NR3C2: variants seen among roughly 807,000 people sequenced by gnomAD.
NR3C2 encodes mineralocorticoid receptor.
Under a neutral mutation model 86.4 loss-of-function variants are expected in NR3C2, and 15 were observed. The observed-to-expected ratio is 0.17, with a 90% CI of 0.12 to 0.27. NR3C2 has a LOEUF of 0.27. Ranked by LOEUF, NR3C2 falls within the 10% of genes least tolerant of loss-of-function variation. The probability of loss-of-function intolerance (pLI) is 1.00; values close to 1 mark genes in which losing one functional copy is unlikely to be tolerated. For synonymous variants in NR3C2, 458 were observed against 450.5 expected (o/e 1.02, Z -0.21); for missense variants, 960 against 1,195.6 (o/e 0.80, Z 2.91).
intron 2 of NR3C2, among the ~76,000 whole-genome samples, chr4:148,268,348 C>T (rs1353485307): frequency 6.6e-6 from 1 of 152,090 alleles, no homozygotes; most frequent in East Asian, 1.9e-4. Flanking sequence ...ATTATCTTTG[C>T]TGACAAATGA....
chr4:148,222,735 A>G (rs1737925267), intron 3 of NR3C2, among the ~76,000 whole-genome samples: 1 of 152,250 alleles, frequency 6.6e-6, no homozygotes, highest in African/African-American at 2.4e-5. Context: ...TGAAATGTTT[A>G]CATTTCAGAG....
chr4:148,160,630 T>C (rs945877559), intron 4 of NR3C2, among the ~76,000 whole-genome samples: 5 of 152,202 alleles, frequency 3.3e-5, no homozygotes, highest in Non-Finnish European at 7.3e-5. Flanking sequence ...AATTCTGTGA[T>C]TGCAGAAATG....
chr4:148,122,464 G>A (rs1265725685), intron 6 of NR3C2, among the ~76,000 whole-genome samples: 2 of 152,176 alleles, frequency 1.3e-5, no homozygotes, highest in East Asian at 3.8e-4. Flanking sequence ...GCTGGATTAA[G>A]AAATCGGAGA....
chr4:148,227,478 C>A (rs1438643288), intron 3 of NR3C2, among the ~76,000 whole-genome samples: 2 of 152,080 alleles, frequency 1.3e-5, no homozygotes, highest in Non-Finnish European at 2.9e-5. Context: ...TAATAAGTAT[C>A]TTTTGGGGGG....
chr4:148,092,337 T>G (rs2149710479), intron 8 of NR3C2, among the ~76,000 whole-genome samples: 1 of 152,322 alleles, frequency 6.6e-6, no homozygotes, highest in East Asian at 1.9e-4. Context: ...GGGTTTAACC[T>G]GTCCTATTTA....
intron 2 of NR3C2, among the ~76,000 whole-genome samples, chr4:148,355,458 C>T (rs1006332031): frequency 2.6e-5 from 4 of 152,196 alleles, no homozygotes; most frequent in Admixed American, 1.3e-4. Context: ...CTACCCCACT[C>T]CCACACTGAT....
intron 4 of NR3C2, among the ~76,000 whole-genome samples, chr4:148,187,026 A>G (rs1326668100): frequency 7.5e-6 from 1 of 133,110 alleles, no homozygotes; most frequent in Non-Finnish European, 1.6e-5. Flanking sequence ...ATATATATAT[A>G]TATATATATA....
intron 3 of NR3C2, among the ~76,000 whole-genome samples, chr4:148,222,314 C>T (rs922010549): frequency 3.9e-5 from 6 of 152,142 alleles, no homozygotes; most frequent in Non-Finnish European, 4.4e-5. Flanking sequence ...AAATCCCCAA[C>T]AGACTTCTTA....
At chr4:148,254,678 GA>G (rs1739740912) in intron 3 of NR3C2, among the ~76,000 whole-genome samples, 1 of 152,128 alleles carries the variant, frequency 6.6e-6, no homozygotes, top group African/African-American at 2.4e-5. Flanking sequence ...TAAATAATTA[GA>G]AAGAGTCAGG....
intron 6 of NR3C2, among the ~76,000 whole-genome samples, chr4:148,151,710 A>G (rs1422634055): frequency 6.6e-6 from 1 of 152,170 alleles, no homozygotes; most frequent in African/African-American, 2.4e-5. Flanking sequence ...CTGTTTTCCT[A>G]TTGCCAGAGA....
chr4:148,376,473 C>T (rs1011720613), intron 2 of NR3C2, among the ~76,000 whole-genome samples: 1 of 152,142 alleles, frequency 6.6e-6, no homozygotes, highest in Non-Finnish European at 1.5e-5. Flanking sequence ...TAGACCCTTT[C>T]CTTTTTACAT....
At chr4:148,136,912 C>T (rs1220230798) in intron 6 of NR3C2, among the ~76,000 whole-genome samples, 1 of 152,166 alleles carries the variant, frequency 6.6e-6, no homozygotes, top group Non-Finnish European at 1.5e-5. Context: ...CTATAGAATT[C>T]TAGAGGATGG....
chr4:148,108,346 G>A (rs1309793695), intron 8 of NR3C2, among the ~76,000 whole-genome samples: 1 of 152,108 alleles, frequency 6.6e-6, no homozygotes, highest in Non-Finnish European at 1.5e-5. Flanking sequence ...CAAGTGATCT[G>A]CCCACCTCCA....
chr4:148,425,840 G>C (rs763817838), intron 2 of NR3C2, among the ~76,000 whole-genome samples: 9 of 152,060 alleles, frequency 5.9e-5, no homozygotes, highest in Non-Finnish European at 1.0e-4. Flanking sequence ...TCACTATAGG[G>C]CCTTAGGCAA....
At chr4:148,321,463 A>G (rs1297004717) in intron 2 of NR3C2, among the ~76,000 whole-genome samples, 1 of 151,602 alleles carries the variant, frequency 6.6e-6, no homozygotes, top group Non-Finnish European at 1.5e-5. Flanking sequence ...GATCCGTCTA[A>G]TGTTGACAGT....
At chr4:148,370,620 C>A (rs1746369705) in intron 2 of NR3C2, among the ~76,000 whole-genome samples, 1 of 151,952 alleles carries the variant, frequency 6.6e-6, no homozygotes, top group Non-Finnish European at 1.5e-5. Context: ...GTTGGAGTTT[C>A]TCCAACTATG....
Position 148,079,967 on chromosome 4 carries a change from A to ATTTT in NR3C2, c.*1373_*1376dup, listed in dbSNP as rs773472149. ...CTTTAACAGAGAGAGAGTGCATGGA[A>ATTTT]TTTTTTTTTCCCACAGGAGAAAATC... On this transcript the variant is annotated 3_prime_UTR_variant, in exon 9 of 9. Coordinates refer to ENST00000358102, the MANE Select transcript of NR3C2 (RefSeq NM_000901.5). 1 of 151,764 alleles carries ATTTT rather than the reference A, an allele frequency of 6.6e-6. No homozygotes were observed. Among genetic ancestry groups the ATTTT allele is most frequent in the Non-Finnish European group, 1.5e-5 (1 of 67,962 alleles). 9.4% of individuals were successfully genotyped at this position (151,764 alleles called of 1,614,324 possible).
intron 2 of NR3C2, among the ~76,000 whole-genome samples, chr4:148,341,712 C>T (rs1173932831): frequency 2.0e-5 from 3 of 151,816 alleles, no homozygotes; most frequent in Non-Finnish European, 4.4e-5. Flanking sequence ...CCACATGTAC[C>T]CCCAACATAG....
intron 3 of NR3C2, among the ~76,000 whole-genome samples, chr4:148,235,241 T>C (rs1274149626): frequency 6.8e-6 from 1 of 146,854 alleles, no homozygotes; most frequent in Non-Finnish European, 1.5e-5. Context: ...AATAATAGTA[T>C]TTAAAAAATT....
Sources: allele counts gnomAD v4.1 joint callset (sites outside exome capture counted in the v4.1 genomes callset), GRCh38; gene constraint gnomAD v4.1.1; transcripts MANE v1.5; gene names NCBI Gene and HGNC (gene_info 2026-07-23, HGNC 2026-07-21).